Variants in CXCL13 observed in about 807,000 individuals in gnomAD.
The protein encoded by CXCL13 is C-X-C motif chemokine ligand 13, also known as C-X-C motif chemokine 13.
In CXCL13, 7 loss-of-function variants were observed where a neutral mutation model predicts 12.2. That is an observed-to-expected ratio of 0.57 (90% CI 0.33 to 1.07). The LOEUF is 1.07. Ranked by LOEUF, CXCL13 falls within the 50% of genes least tolerant of loss-of-function variation. The probability of loss-of-function intolerance (pLI) is 0.04; values close to 1 mark genes in which losing one functional copy is unlikely to be tolerated. For missense variants in CXCL13, 113 were observed against 127.4 expected (o/e 0.89, Z 0.55); for synonymous variants, 47 against 42.4 (o/e 1.11, Z -0.42).
intron 1 of CXCL13, 49 bp from the exon 2 acceptor site, chr4:77,607,654 G>T: frequency 5.8e-6 from 9 of 1,546,742 alleles, no homozygotes; most frequent in South Asian, 1.2e-5. Context: ...TTCTAGTTAT[G>T]AATTACATGC....
intron 1 of CXCL13, among the ~76,000 whole-genome samples, chr4:77,518,489 C>T (rs1375136472): frequency 6.6e-6 from 1 of 152,206 alleles, no homozygotes; most frequent in East Asian, 1.9e-4. Flanking sequence ...AGGCTTTGTT[C>T]ATTTCTTTTT....
intron 1 of CXCL13, among the ~76,000 whole-genome samples, chr4:77,534,658 C>A (rs549065220): frequency 6.6e-6 from 1 of 152,076 alleles, no homozygotes; most frequent in Non-Finnish European, 1.5e-5. Flanking sequence ...TAAAATACAC[C>A]TCTGAGAACA....
Position 77,594,594 on chromosome 4 carries a change from A to AGGGGCATACTG in CXCL13, c.-42-11228_-42-11227insGGCATACTGGG, listed in dbSNP as rs1237531089. 5.7e-3 allele frequency among the ~76,000 whole-genome samples: 866 copies of AGGGGCATACTG among 152,280 alleles called. 10 individuals carry two copies. Among genetic ancestry groups the AGGGGCATACTG allele is most frequent in the African/African-American group, 0.02 (814 of 41,542 alleles). On this transcript the variant is annotated intron_variant, in intron 1 of 4. Coordinates refer to the CXCL13 transcript ENST00000286758. ...GCACAGTGGCCTGGGCTCTGTTGAC[A>AGGGGCATACTG]GGCAGCTGGGCAGGTCCAGGGGCAT...
Position 77,555,181 on chromosome 4 carries a change from C to T in CXCL13, c.-43+43393C>T, listed in dbSNP as rs146803124. ...GAAAAATTGTTGTTTCTAATTAGAC[C>T]AAGAAAAAAAGGATATGAGTTACTA... On this transcript the variant is annotated intron_variant, in intron 1 of 4. Coordinates refer to the CXCL13 transcript ENST00000286758. Among the ~76,000 whole-genome samples the T allele has an allele frequency of 4.6e-3, 696 of 150,752 alleles. 10 individuals carry two copies. The highest frequency in any genetic ancestry group is 0.015 in the African/African-American group (603 of 41,152).
At chr4:77,535,036 C>A (rs895616941) in intron 1 of CXCL13, among the ~76,000 whole-genome samples, 27 of 152,202 alleles carry the variant, frequency 1.8e-4, no homozygotes, top group Admixed American at 1.8e-3. Flanking sequence ...AGGAGAAACA[C>A]CAAGCATGGC....
intron 1 of CXCL13, among the ~76,000 whole-genome samples, chr4:77,586,492 A>AC (rs1294535472): frequency 6.6e-6 from 1 of 152,142 alleles, no homozygotes; most frequent in African/African-American, 2.4e-5. Flanking sequence ...ACTTAAAGGG[A>AC]CCTAACAAAA....
At chr4:77,600,226 C>T (rs1726858084) in intron 1 of CXCL13, among the ~76,000 whole-genome samples, 1 of 151,676 alleles carries the variant, frequency 6.6e-6, no homozygotes, top group East Asian at 1.9e-4. Context: ...ACTTGAAGGA[C>T]TGGGAAGAGA....
chr4:77,604,414 C>T (rs1726956094), upstream of CXCL13, among the ~76,000 whole-genome samples: 1 of 152,152 alleles, frequency 6.6e-6, no homozygotes, highest in African/African-American at 2.4e-5. Flanking sequence ...TCAGCATCTG[C>T]TTTGCAGAGG....
At chr4:77,586,829 T>C (rs1726477301) in intron 1 of CXCL13, among the ~76,000 whole-genome samples, 1 of 152,102 alleles carries the variant, frequency 6.6e-6, no homozygotes, top group Admixed American at 6.6e-5. Context: ...ATAGCAAAGG[T>C]TAAAGTCCAG....
chr4:77,563,812 T>A (rs181369825), intron 1 of CXCL13, among the ~76,000 whole-genome samples: 1 of 152,346 alleles, frequency 6.6e-6, no homozygotes, highest in East Asian at 1.9e-4. Context: ...ATAACTGTCT[T>A]CTATGGGAGG....
At chr4:77,526,794 A>G (rs1289184554) in intron 1 of CXCL13, among the ~76,000 whole-genome samples, 1 of 152,140 alleles carries the variant, frequency 6.6e-6, no homozygotes, top group Admixed American at 6.6e-5. Context: ...TGGCTTAGGG[A>G]GGCCAGGGAG....
intron 1 of CXCL13, among the ~76,000 whole-genome samples, chr4:77,570,340 A>G (rs1010146045): frequency 6.6e-6 from 1 of 152,262 alleles, no homozygotes; most frequent in Non-Finnish European, 1.5e-5. Context: ...AGCCTACATA[A>G]TGGGAGAAAA....
intron 1 of CXCL13, among the ~76,000 whole-genome samples, chr4:77,571,701 G>C (rs554673297): frequency 6.6e-6 from 1 of 151,840 alleles, no homozygotes; most frequent in Non-Finnish European, 1.5e-5. Flanking sequence ...GGCCAGATAA[G>C]AGAATAAAAG....
At chr4:77,553,302 G>A (rs1725578283) in intron 1 of CXCL13, among the ~76,000 whole-genome samples, 3 of 152,228 alleles carry the variant, frequency 2.0e-5, no homozygotes, top group Non-Finnish European at 2.9e-5. Flanking sequence ...CAACTCCAGA[G>A]CATGTGCTCC....
At chr4:77,552,787 G>C (rs1725565833) in intron 1 of CXCL13, among the ~76,000 whole-genome samples, 1 of 152,260 alleles carries the variant, frequency 6.6e-6, no homozygotes, top group Admixed American at 6.5e-5. Context: ...ATCCAACAGA[G>C]TGCATGCTGC....
chr4:77,607,259 T>C (rs1727019804), intron 1 of CXCL13, among the ~76,000 whole-genome samples: 2 of 152,234 alleles, frequency 1.3e-5, no homozygotes, highest in African/African-American at 4.8e-5. Context: ...TTTTATTATG[T>C]GGACTATCAC....
At chr4:77,537,323 G>T (rs142374496) in intron 1 of CXCL13, among the ~76,000 whole-genome samples, 707 of 152,306 alleles carry the variant, frequency 4.6e-3, no homozygotes, top group African/African-American at 0.016. Flanking sequence ...GGCATTAGTT[G>T]TAGAGATGCA....
At chr4:77,583,250 C>A (rs1726380334) in intron 1 of CXCL13, among the ~76,000 whole-genome samples, 3 of 152,140 alleles carry the variant, frequency 2.0e-5, no homozygotes, top group African/African-American at 7.2e-5. Context: ...TAAATTTAGG[C>A]CCAACCTCTT....
intron 1 of CXCL13, among the ~76,000 whole-genome samples, chr4:77,567,650 G>T (rs772656214): frequency 3.0e-4 from 46 of 152,080 alleles, no homozygotes; most frequent in Non-Finnish European, 6.2e-4. Context: ...AAACCAAGAT[G>T]GTGGCAAAAG....
Sources: allele counts gnomAD v4.1 joint callset (sites outside exome capture counted in the v4.1 genomes callset), GRCh38; gene constraint gnomAD v4.1.1; transcripts MANE v1.5; gene names NCBI Gene and HGNC (gene_info 2026-07-23, HGNC 2026-07-21).